Variants in ADAM32 observed in about 807,000 individuals in gnomAD.
The protein encoded by ADAM32 is ADAM metallopeptidase domain 32, also known as disintegrin and metalloproteinase domain-containing protein 32.
In ADAM32, 89 loss-of-function variants were observed where a neutral mutation model predicts 114.9. The observed-to-expected ratio is 0.77, with a 90% CI of 0.65 to 0.92. The LOEUF (loss-of-function observed/expected upper bound fraction) is 0.92, where lower values mean the gene tolerates loss of function less well. Ranked by LOEUF, ADAM32 falls within the 40% of genes least tolerant of loss-of-function variation. The pLI, the probability that ADAM32 is intolerant of heterozygous loss-of-function variation, is 0.00. For missense variants in ADAM32, 870 were observed against 932.8 expected, an observed-to-expected ratio of 0.93 and a Z score of 0.88; for synonymous variants, 285 against 307.5, an observed-to-expected ratio of 0.93 and a Z score of 0.77.
intron 16 of ADAM32, among the ~76,000 whole-genome samples, chr8:39,241,879 C>A (rs906532429): frequency 2.6e-5 from 4 of 152,202 alleles, no homozygotes; most frequent in Admixed American, 6.5e-5. Flanking sequence ...TTCTTTTCAG[C>A]AAGTGGGATT....
chr8:39,130,838 G>T (rs1390778364), intron 2 of ADAM32: 1 of 456,166 alleles, frequency 2.2e-6, no homozygotes, highest in Non-Finnish European at 4.4e-6. Flanking sequence ...TTATGCACTT[G>T]AAAAGAATAT....
intron 16 of ADAM32, among the ~76,000 whole-genome samples, chr8:39,242,038 C>T (rs750299857): frequency 2.3e-4 from 35 of 152,194 alleles, no homozygotes; most frequent in Non-Finnish European, 3.1e-4. Context: ...TCTAAATCAT[C>T]TCTCTCAAGT....
intron 3 of ADAM32, among the ~76,000 whole-genome samples, chr8:39,138,221 C>T (rs907823092): frequency 3.9e-5 from 6 of 152,158 alleles, no homozygotes; most frequent in African/African-American, 9.6e-5. Flanking sequence ...ATGTGCACAG[C>T]GTGCAGGTTT....
At chr8:39,260,325 G>T (rs1301906729) in intron 19 of ADAM32, among the ~76,000 whole-genome samples, 1 of 151,880 alleles carries the variant, frequency 6.6e-6, no homozygotes, top group African/African-American at 2.4e-5. Flanking sequence ...CTTATTTCTT[G>T]TCTAATTCCT....
intron 11 of ADAM32, among the ~76,000 whole-genome samples, chr8:39,208,100 T>C (rs547677472): frequency 1.2e-4 from 18 of 152,292 alleles, no homozygotes; most frequent in Admixed American, 1.0e-3. Context: ...TGTGGATTGC[T>C]AGATCATATA....
Position 39,165,195 on chromosome 8 carries a change from A to C in ADAM32, c.832A>C (p.Ile278Leu). The change falls in exon 9 of 25, where the codon ATT (isoleucine) becomes CTT (leucine). Residue 278 changes from isoleucine (I) to leucine (L), a missense_variant and splice_region_variant. By Grantham distance (5) the Ile-to-Leu change is conservative. Transcript: ENST00000379907. ...LRPHDIAYLL[I>L]YMDYPRYLGA... ...GCCTCATGATATTGCATATCTACTAATGTAAGAATAATGTTTCATTATTCC... is the reference window on the plus strand; with the variant it reads ...GCCTCATGATATTGCATATCTACTACTGTAAGAATAATGTTTCATTATTCC... The C allele has an allele frequency of 6.6e-7, 1 of 1,515,162 alleles. No individual in the cohort carries two copies. The highest frequency in any genetic ancestry group is 1.2e-5 in the South Asian group (1 of 80,762). The allele number at this position is 1,515,162 out of a possible 1,614,324, so 93.9% of individuals were successfully genotyped here.
chr8:39,212,695 A>G (rs968375758), intron 12 of ADAM32, among the ~76,000 whole-genome samples: 2 of 152,146 alleles, frequency 1.3e-5, no homozygotes, highest in African/African-American at 4.8e-5. Flanking sequence ...ATATATCACA[A>G]TCTGTTTTAA....
At chr8:39,134,378 G>C (rs1343356938) in intron 2 of ADAM32, among the ~76,000 whole-genome samples, 1 of 152,020 alleles carries the variant, frequency 6.6e-6, no homozygotes, top group East Asian at 1.9e-4. Flanking sequence ...GAGCATTCGT[G>C]GTGGGACCCT....
chr8:39,119,035 C>T (rs965344723), intron 2 of ADAM32, among the ~76,000 whole-genome samples: 1 of 152,156 alleles, frequency 6.6e-6, no homozygotes, highest in African/African-American at 2.4e-5. Flanking sequence ...ACTTTTTTCA[C>T]TTAGGATTAT....
intron 1 of ADAM32, among the ~76,000 whole-genome samples, chr8:39,114,870 C>T (rs1443867195): frequency 6.6e-6 from 1 of 152,166 alleles, no homozygotes; most frequent in Non-Finnish European, 1.5e-5. Flanking sequence ...CTCCCTCCTC[C>T]CATCCTCCAC....
Position 39,131,806 on chromosome 8 carries a change from T to C in ADAM32, c.139-4851T>C, listed in dbSNP as rs1444343784. On this transcript the variant is annotated intron_variant, in intron 2 of 24. Coordinates refer to ENST00000379907, the MANE Select transcript of ADAM32 (RefSeq NM_145004.7). ...TTCTCTTTATGGTTACTATTTACAA[T>C]ATATATATTTCCATTATTTTATTTT... Among the ~76,000 whole-genome samples the C allele has an allele frequency of 4.6e-5, 7 of 152,218 alleles. 1 individual carries two copies. In the South Asian group the frequency reaches 1.4e-3, roughly 32 times the overall value.
chr8:39,190,837 G>T (rs1806553829), intron 11 of ADAM32, among the ~76,000 whole-genome samples: 1 of 152,104 alleles, frequency 6.6e-6, no homozygotes, highest in Non-Finnish European at 1.5e-5. Context: ...AGTCATGGGG[G>T]TTTGTTGTAC....
chr8:39,192,790 A>G (rs1330991761), intron 11 of ADAM32, among the ~76,000 whole-genome samples: 1 of 152,140 alleles, frequency 6.6e-6, no homozygotes, highest in Non-Finnish European at 1.5e-5. Flanking sequence ...GTTTGGCCAA[A>G]TATGAAATTC....
intron 2 of ADAM32, among the ~76,000 whole-genome samples, chr8:39,125,608 C>G (rs1802065502): frequency 6.6e-6 from 1 of 152,150 alleles, no homozygotes; most frequent in African/African-American, 2.4e-5. Flanking sequence ...GCAAAAATTT[C>G]TCCCATTCTG....
At chr8:39,144,555 G>C (rs1419192099) in intron 3 of ADAM32, among the ~76,000 whole-genome samples, 1 of 152,218 alleles carries the variant, frequency 6.6e-6, no homozygotes, top group Non-Finnish European at 1.5e-5. Context: ...GAAATATCCT[G>C]ATGGCAGTTA....
chr8:39,133,928 C>G (rs945834557), intron 2 of ADAM32, among the ~76,000 whole-genome samples: 2 of 152,188 alleles, frequency 1.3e-5, no homozygotes, highest in African/African-American at 4.8e-5. Flanking sequence ...CGTGAGGTTG[C>G]TGTCAGTGCT....
intron 10 of ADAM32, among the ~76,000 whole-genome samples, chr8:39,176,675 G>A (rs1342757678): frequency 6.6e-6 from 1 of 152,132 alleles, no homozygotes; most frequent in Non-Finnish European, 1.5e-5. Flanking sequence ...GATTTTGGGT[G>A]GAGATTTCTG....
intron 17 of ADAM32, among the ~76,000 whole-genome samples, chr8:39,250,690 A>T (rs980976796): frequency 6.6e-6 from 1 of 151,930 alleles, no homozygotes; most frequent in African/African-American, 2.4e-5. Context: ...ATTTGAATTT[A>T]TTTTTCTAGC....
At position 39,142,321 on chromosome 8, in the gene ADAM32, G is replaced by A. The variant is rs144921633; in HGVS notation, c.201-4809G>A. Among the ~76,000 whole-genome samples the A allele has an allele frequency of 3.7e-3, 564 of 152,286 alleles. 2 individuals carry two copies. Among genetic ancestry groups the A allele is most frequent in the African/African-American group, 0.013 (545 of 41,556 alleles). On this transcript the variant is annotated intron_variant, in intron 3 of 24. Coordinates refer to ENST00000379907, the MANE Select transcript of ADAM32 (RefSeq NM_145004.7). The stretch of plus-strand genomic sequence containing the variant: ...ATTGATGGTGTTTACCATTTGGCAT[G>A]TTTTTGCAGTGGTTGGTACCGGCTG...
Sources: gnomAD v4.1 joint callset for allele counts (sites outside exome capture counted in the v4.1 genomes callset) on GRCh38, gnomAD v4.1.1 for gene constraint, MANE v1.5 for transcripts, NCBI Gene and HGNC (gene_info 2026-07-23, HGNC 2026-07-21) for gene names.